REV3L: variants seen among roughly 807,000 people sequenced by gnomAD.
The protein encoded by REV3L is REV3 like, DNA directed polymerase zeta catalytic subunit.
In REV3L, 69 loss-of-function variants were observed where a neutral mutation model predicts 299.4. That is an observed-to-expected ratio of 0.23 (90% CI 0.19 to 0.28). The LOEUF is 0.28. REV3L is among the 10% of genes least tolerant of loss of function. The probability of loss-of-function intolerance (pLI) is 1.00; values close to 1 mark genes in which losing one functional copy is unlikely to be tolerated. For synonymous variants in REV3L, 1,238 were observed against 1,271.4 expected, an observed-to-expected ratio of 0.97 and a Z score of 0.56; for missense variants, 3,128 against 3,693.8, an observed-to-expected ratio of 0.85 and a Z score of 3.97.
Position 111,359,344 on chromosome 6 carries a change from T to C in REV3L, c.6880-330A>G, listed in dbSNP as rs1562177992. Among the ~76,000 whole-genome samples the C allele has an allele frequency of 2.0e-5, 3 of 152,208 alleles. No homozygotes were observed. The East Asian group carries it at 5.8e-4, about 29-fold the overall frequency. On this transcript the variant is annotated intron_variant, in intron 16 of 31. Coordinates refer to ENST00000368802, the MANE Select transcript of REV3L (RefSeq NM_001372078.1). ...AGTTATACAATGAAACCAAAGTCTG[T>C]CACGTTTTACTCTTCATGTAGTTAG... is the stretch of plus-strand genomic sequence containing the variant.
At chr6:111,467,438 A>C (rs1791640800) in intron 1 of REV3L, among the ~76,000 whole-genome samples, 2 of 152,198 alleles carry the variant, frequency 1.3e-5, no homozygotes, top group African/African-American at 4.8e-5. Context: ...GGCTAGCCTA[A>C]TCTAGCCATC....
chr6:111,446,474 C>T (rs577419596), intron 1 of REV3L, among the ~76,000 whole-genome samples: 2 of 152,182 alleles, frequency 1.3e-5, no homozygotes, highest in East Asian at 3.9e-4. Flanking sequence ...GAGGCCGAGG[C>T]GGGTGGATCA....
At chr6:111,394,801 C>T (rs1782318016) in intron 4 of REV3L, among the ~76,000 whole-genome samples, 1 of 151,390 alleles carries the variant, frequency 6.6e-6, no homozygotes, top group Non-Finnish European at 1.5e-5. Flanking sequence ...CTTCCAGGCT[C>T]AAATGATCCT....
chr6:111,453,904 T>C (rs554187196), intron 1 of REV3L, among the ~76,000 whole-genome samples: 8 of 152,250 alleles, frequency 5.3e-5, no homozygotes, highest in African/African-American at 1.9e-4. Flanking sequence ...AAGAATGGCT[T>C]GAAGCTGGGA....
At chr6:111,476,259 G>A (rs1237493304) in intron 1 of REV3L, among the ~76,000 whole-genome samples, 2 of 152,094 alleles carry the variant, frequency 1.3e-5, no homozygotes, top group East Asian at 1.9e-4. Flanking sequence ...GGGCTCAAGC[G>A]ATCCTCCTGC....
chr6:111,454,236 C>A (rs974414440), intron 1 of REV3L, among the ~76,000 whole-genome samples: 1 of 151,750 alleles, frequency 6.6e-6, no homozygotes, highest in African/African-American at 2.4e-5. Flanking sequence ...AGCTACTGTG[C>A]TGGACCCAAT....
chr6:111,316,969 T>C (rs1253373100), intron 26 of REV3L, among the ~76,000 whole-genome samples: 1 of 152,204 alleles, frequency 6.6e-6, no homozygotes, highest in African/African-American at 2.4e-5. Context: ...TTGGGCATCT[T>C]TTTTTCTATT....
chr6:111,421,047 G>A (rs1368063797), intron 1 of REV3L, among the ~76,000 whole-genome samples: 1 of 152,136 alleles, frequency 6.6e-6, no homozygotes, highest in Admixed American at 6.6e-5. Flanking sequence ...AGAATGGCGT[G>A]AACCCGGGAG....
intron 25 of REV3L, among the ~76,000 whole-genome samples, chr6:111,324,020 G>A (rs1468523010): frequency 6.6e-6 from 1 of 152,162 alleles, no homozygotes; most frequent in East Asian, 1.9e-4. Context: ...CTTATTTTGA[G>A]ACAGAGTCTC....
chr6:111,430,650 G>C, intron 1 of REV3L: 4 of 1,521,654 alleles, frequency 2.6e-6, no homozygotes, highest in Non-Finnish European at 3.6e-6. Flanking sequence ...GCCGAGAAGA[G>C]AGAGGACTCT....
intron 5 of REV3L, among the ~76,000 whole-genome samples, chr6:111,391,709 T>C (rs996304531): frequency 2.0e-5 from 3 of 152,214 alleles, no homozygotes; most frequent in African/African-American, 7.2e-5. Flanking sequence ...GCCTGAGCAA[T>C]ATAGTGAGAC....
intron 17 of REV3L, among the ~76,000 whole-genome samples, chr6:111,358,057 T>C (rs1279882406): frequency 2.0e-5 from 3 of 152,194 alleles, no homozygotes; most frequent in Admixed American, 1.3e-4. Context: ...GTGCTAAGAC[T>C]TCCTCCTCAG....
At chr6:111,392,172 G>C (rs926149031) in intron 5 of REV3L, among the ~76,000 whole-genome samples, 10 of 152,170 alleles carry the variant, frequency 6.6e-5, no homozygotes, top group Non-Finnish European at 1.2e-4. Flanking sequence ...AGAAAGGAGG[G>C]AAACAATAAC....
chr6:111,375,511 G>A lies in REV3L; in HGVS notation c.2844C>T (p.Pro948=), dbSNP rs149022531. 1.2e-6 allele frequency: 2 copies of A among 1,606,174 alleles called. No individual in the cohort carries two copies. The highest frequency in any genetic ancestry group is 1.7e-6 in the Non-Finnish European group (2 of 1,178,150). ...THNSKISLPH[P]MEIGESLDGT... ...CATCTAAACTTTCACCAATTTCCAT[G>A]GGATGAGGTAGACTAATTTTTGAGT... The change falls in exon 13 of 32, where the codon CCC becomes CCT. Residue 948 remains proline, a synonymous_variant. Coordinates refer to ENST00000368802, the MANE Select transcript of REV3L (RefSeq NM_001372078.1).
At chr6:111,471,483 A>G (rs992076951) in intron 1 of REV3L, among the ~76,000 whole-genome samples, 4 of 152,202 alleles carry the variant, frequency 2.6e-5, no homozygotes, top group Non-Finnish European at 5.9e-5. Context: ...TTTCATTTCA[A>G]TTCAAACATT....
At position 111,322,549 on chromosome 6, in the gene REV3L, C is replaced by G. The variant is rs1195384922; in HGVS notation, c.8351+20G>C. 6.3e-7 allele frequency: 1 copy of G among 1,587,656 alleles called. No homozygotes were observed. The highest frequency in any genetic ancestry group is 1.7e-5 in the Admixed American group (1 of 59,810). On this transcript the variant is annotated intron_variant, in intron 26 of 31. Coordinates refer to ENST00000368802, the MANE Select transcript of REV3L (RefSeq NM_001372078.1). ...TCTAGAGAGATGCAAAAGACAACTACAAAACCAAAAACCCATTACCTGTCA... is the reference window on the plus strand; with the variant it reads ...TCTAGAGAGATGCAAAAGACAACTAGAAAACCAAAAACCCATTACCTGTCA...
intron 25 of REV3L, among the ~76,000 whole-genome samples, chr6:111,323,457 T>C (rs1443970212): frequency 2.0e-5 from 3 of 152,156 alleles, no homozygotes; most frequent in African/African-American, 4.8e-5. Flanking sequence ...TCACTAGTTA[T>C]ACAAAGAAAA....
intron 1 of REV3L, among the ~76,000 whole-genome samples, chr6:111,452,879 A>T (rs1042705329): frequency 1.3e-5 from 2 of 152,216 alleles, no homozygotes; most frequent in Non-Finnish European, 2.9e-5. Context: ...GAATTTATCA[A>T]CACCTGACAG....
chr6:111,300,883 C>T lies in REV3L; in HGVS notation c.9253-727G>A, dbSNP rs1562470303. Among the ~76,000 whole-genome samples, 5 of 152,266 alleles carry T rather than the reference C, an allele frequency of 3.3e-5. No individual in the cohort carries two copies. The South Asian group carries it at 8.3e-4, about 25-fold the overall frequency. ...GTGTTTGAACAATATGAAATCTGAG[C>T]ACCTTGAAAAGAACAGGATAACAGC... On this transcript the variant is annotated intron_variant, in intron 31 of 31. Transcript: ENST00000368802.
Sources: allele counts gnomAD v4.1 joint callset (sites outside exome capture counted in the v4.1 genomes callset), GRCh38; gene constraint gnomAD v4.1.1; transcripts MANE v1.5; gene names NCBI Gene and HGNC (gene_info 2026-07-23, HGNC 2026-07-21).